The following RALGAPA1 variants were observed in gnomAD, a reference collection of about 807,000 sequenced individuals.
The protein encoded by RALGAPA1 is ral GTPase-activating protein subunit alpha-1.
In RALGAPA1, 52 loss-of-function variants were observed where a neutral mutation model predicts 269.6. The ratio of observed to expected loss-of-function variants is 0.19; its 90% confidence interval spans 0.15 to 0.24. The LOEUF is 0.24. Ranked by LOEUF, RALGAPA1 falls within the 10% of genes least tolerant of loss-of-function variation. The pLI, the probability that RALGAPA1 is intolerant of heterozygous loss-of-function variation, is 1.00. For missense variants in RALGAPA1, 1,917 were observed against 3,013.9 expected (o/e 0.64, Z 8.52); for synonymous variants, 817 against 1,008.3 (o/e 0.81, Z 3.60).
intron 26 of RALGAPA1, among the ~76,000 whole-genome samples, chr14:35,670,996 T>A (rs911610083): frequency 4.6e-5 from 7 of 151,900 alleles, no homozygotes; most frequent in Admixed American, 2.6e-4. Flanking sequence ...CCTTACCAAG[T>A]TTCTTTTTTT....
At chr14:35,789,120 C>A (rs553753238) in intron 1 of RALGAPA1, among the ~76,000 whole-genome samples, 1 of 152,118 alleles carries the variant, frequency 6.6e-6, no homozygotes, top group African/African-American at 2.4e-5. Flanking sequence ...AACTCCTATA[C>A]CTACATGATA....
At chr14:35,708,542 T>A (rs551691205) in intron 16 of RALGAPA1, among the ~76,000 whole-genome samples, 3 of 152,186 alleles carry the variant, frequency 2.0e-5, no homozygotes, top group African/African-American at 7.2e-5. Context: ...AAATCAAAAC[T>A]ACAATGAGAT....
chr14:35,808,892 C>T lies in RALGAPA1; in HGVS notation c.-57G>A, dbSNP rs2077560969. On this transcript the variant is annotated 5_prime_UTR_variant, in exon 1 of 42. Coordinates refer to ENST00000680220, the MANE Select transcript of RALGAPA1 (RefSeq NM_001346249.2). ...CAGCCGGCTCCCAGCCGGGTCCCGGCGGCAGAAAGTGGAGGGAGTGGACGG... is the reference window on the plus strand; with the variant it reads ...CAGCCGGCTCCCAGCCGGGTCCCGGTGGCAGAAAGTGGAGGGAGTGGACGG... The T allele has an allele frequency of 5.7e-6, 9 of 1,571,090 alleles. No homozygotes were observed. The highest frequency in any genetic ancestry group is 1.3e-5 in the African/African-American group (1 of 74,130).
chr14:35,675,952 A>G (rs1032725129), intron 22 of RALGAPA1, among the ~76,000 whole-genome samples: 3 of 152,178 alleles, frequency 2.0e-5, no homozygotes, highest in African/African-American at 7.2e-5. Flanking sequence ...CTTTACATAT[A>G]AAGTATATAA....
chr14:35,628,702 C>T (rs2061143000), intron 33 of RALGAPA1, among the ~76,000 whole-genome samples: 1 of 152,152 alleles, frequency 6.6e-6, no homozygotes, highest in African/African-American at 2.4e-5. Flanking sequence ...TAGCTAGTAC[C>T]TGTATGCAAA....
intron 35 of RALGAPA1, among the ~76,000 whole-genome samples, chr14:35,613,721 A>C (rs2060087879): frequency 6.6e-6 from 1 of 152,138 alleles, no homozygotes; most frequent in Admixed American, 6.5e-5. Flanking sequence ...TCTTATAAGG[A>C]CACAAGTAAT....
At chr14:35,743,901 A>G (rs1020481631) in intron 10 of RALGAPA1, among the ~76,000 whole-genome samples, 6 of 151,924 alleles carry the variant, frequency 3.9e-5, no homozygotes, top group Admixed American at 3.3e-4. Flanking sequence ...CTGGGATCTT[A>G]AAAAAAATAT....
chr14:35,738,369 T>C (rs2071231269), intron 12 of RALGAPA1, 144 bp downstream of exon 12: 1 of 437,834 alleles, frequency 2.3e-6, no homozygotes, highest in South Asian at 8.8e-5. Context: ...TATTAAGTGA[T>C]GAAAGGAAAA....
At chr14:35,806,912 G>T (rs1291580810) in intron 1 of RALGAPA1, among the ~76,000 whole-genome samples, 2 of 151,996 alleles carry the variant, frequency 1.3e-5, no homozygotes, top group Non-Finnish European at 1.5e-5. Context: ...ACAAAATAAC[G>T]ACAACAATAA....
intron 35 of RALGAPA1, among the ~76,000 whole-genome samples, chr14:35,624,962 G>T (rs1343638654): frequency 6.6e-6 from 1 of 151,896 alleles, no homozygotes; most frequent in Non-Finnish European, 1.5e-5. Context: ...AGGCCGAGGC[G>T]GGCAGATCAC....
At chr14:35,661,567 A>T (rs1372697501) in intron 27 of RALGAPA1, among the ~76,000 whole-genome samples, 3 of 152,180 alleles carry the variant, frequency 2.0e-5, no homozygotes, top group Non-Finnish European at 2.9e-5. Context: ...AGGGTCAAAT[A>T]TTATAATGGC....
At position 35,750,592 on chromosome 14, in the gene RALGAPA1, C is replaced by A. The variant is rs774666365; in HGVS notation, c.901G>T (p.Ala301Ser). The stretch of plus-strand genomic sequence containing the variant: ...AGCCAACGAATGACAATAACACGAG[C>A]CTTAATGAAAGGCTCCTTTGTACAA... ...IYCTKEPFIK[A>S]RVIVIRWLVS... Residue 301 changes from alanine (A) to serine (S), a missense_variant, in exon 9 of 42, where the codon GCT becomes TCT. Ala to Ser is a moderately conservative substitution (Grantham distance 99). This residue lies in a region of RALGAPA1 where 462 missense variants were observed against 725.6 expected (regional missense o/e 0.64). Coordinates refer to ENST00000680220, the MANE Select transcript of RALGAPA1 (RefSeq NM_001346249.2). 2 of 1,612,982 alleles carry A rather than the reference C, an allele frequency of 1.2e-6. No individual in the cohort carries two copies. The highest frequency in any genetic ancestry group is 1.3e-5 in the African/African-American group (1 of 74,882).
chr14:35,605,903 G>A (rs949188474), intron 35 of RALGAPA1, among the ~76,000 whole-genome samples, 194 bp from the exon 36 acceptor site: 1 of 152,156 alleles, frequency 6.6e-6, no homozygotes, highest in Non-Finnish European at 1.5e-5. Flanking sequence ...ATAAAAGACA[G>A]GCACGATCAC....
At chr14:35,553,795 A>T (rs966975563) in intron 39 of RALGAPA1, among the ~76,000 whole-genome samples, 1 of 152,184 alleles carries the variant, frequency 6.6e-6, no homozygotes, top group African/African-American at 2.4e-5. Context: ...TTCAGGTTTC[A>T]TGTTTTATTT....
At chr14:35,710,302 C>T (rs1344307476) in intron 16 of RALGAPA1, among the ~76,000 whole-genome samples, 4 of 152,114 alleles carry the variant, frequency 2.6e-5, no homozygotes, top group Admixed American at 6.6e-5. Flanking sequence ...TGCTCTGTTG[C>T]CCAGACTGGA....
At chr14:35,804,009 T>C (rs1054828652) in intron 1 of RALGAPA1, among the ~76,000 whole-genome samples, 29 of 152,110 alleles carry the variant, frequency 1.9e-4, no homozygotes, top group African/African-American at 6.8e-4. Context: ...AAAGAAGTTA[T>C]ACAATGGTCT....
intron 10 of RALGAPA1, 24 bp from the exon 11 acceptor site, chr14:35,742,589 GATA>G (rs774019515): frequency 8.5e-6 from 13 of 1,522,724 alleles, no homozygotes; most frequent in Admixed American, 6.7e-5. Flanking sequence ...GGAGAATCAA[GATA>G]ATGATACTTT....
intron 10 of RALGAPA1, among the ~76,000 whole-genome samples, chr14:35,747,076 G>A (rs919648193): frequency 1.3e-5 from 2 of 151,784 alleles, no homozygotes; most frequent in African/African-American, 2.4e-5. Context: ...ACTTTGGGAG[G>A]CCCAAGGCAG....
rs2058818127 is a variant in RALGAPA1, at chr14:35,594,513, T to C, written c.7209+1121A>G. ...TATTGAGGACCTAAACAGACATTTA[T>C]TCAAAAATGGTGAACTGGTATATGA... On this transcript the variant is annotated intron_variant, in intron 37 of 41. Transcript: ENST00000680220. Among the ~76,000 whole-genome samples the C allele has an allele frequency of 2.0e-5, 3 of 152,180 alleles. No homozygotes were observed. The South Asian group carries it at 6.2e-4, about 32-fold the overall frequency.
Sources: allele counts gnomAD v4.1 joint callset (sites outside exome capture counted in the v4.1 genomes callset), GRCh38; gene constraint gnomAD v4.1.1; regional missense constraint gnomAD v4.1.1; transcripts MANE v1.5; gene names NCBI Gene and HGNC (gene_info 2026-07-23, HGNC 2026-07-21).